Variants in GREB1 observed in about 807,000 individuals in gnomAD.
GREB1 encodes protein GREB1.
Under a neutral mutation model 200.7 loss-of-function variants are expected in GREB1, and 106 were observed. The observed-to-expected ratio is 0.53, with a 90% CI of 0.45 to 0.62. GREB1 has a LOEUF of 0.62. Ranked by LOEUF, GREB1 falls within the 20% of genes least tolerant of loss-of-function variation. GREB1 has a pLI of 0.00. For missense variants in GREB1, 2,243 were observed against 2,556.8 expected, an observed-to-expected ratio of 0.88 and a Z score of 2.65; for synonymous variants, 1,132 against 1,092.4, an observed-to-expected ratio of 1.04 and a Z score of -0.72.
intron 11 of GREB1, among the ~76,000 whole-genome samples, chr2:11,595,011 A>T (rs62118312): frequency 9.8e-5 from 14 of 142,174 alleles, no homozygotes; most frequent in Admixed American, 5.7e-4. Flanking sequence ...TTTTTTTTAA[A>T]TAAATTATTT....
rs1679106669 is a variant in GREB1 at position 11,578,403 on chromosome 2, C to T, written c.744C>T (p.Pro248=). The T allele has an allele frequency of 6.2e-6, 10 of 1,613,978 alleles. No individual in the cohort carries two copies. Among genetic ancestry groups the T allele is most frequent in the East Asian group, 2.2e-5 (1 of 44,878 alleles). ...GCGAGCCCGTTCCTGGGACGAACCC[C>T]AGCATCCTGATGGGAGCTCAGCAGG... ...FPSEPVPGTN[P]SILMGAQQAG... The change falls in exon 6 of 33, where the codon CCC becomes CCT. Residue 248 remains proline (P), a synonymous_variant. Coordinates refer to ENST00000381486, the MANE Select transcript of GREB1 (RefSeq NM_014668.4).
intron 1 of GREB1, among the ~76,000 whole-genome samples, chr2:11,535,322 C>T (rs1297939829): frequency 1.3e-5 from 2 of 152,312 alleles, no homozygotes; most frequent in South Asian, 2.1e-4. Flanking sequence ...ACCTGAACCT[C>T]TAGTTAGCTA....
chr2:11,533,604 A>G (rs1411564072), upstream of GREB1, among the ~76,000 whole-genome samples: 1 of 152,232 alleles, frequency 6.6e-6, no homozygotes, highest in Non-Finnish European at 1.5e-5. Flanking sequence ...TGATGGAGGA[A>G]AAAATGGATG....
At chr2:11,491,624 TAATGAC>T (rs1672775221) in intron 1 of GREB1, among the ~76,000 whole-genome samples, 1 of 152,240 alleles carries the variant, frequency 6.6e-6, no homozygotes, top group African/African-American at 2.4e-5. Flanking sequence ...AATCATCTGA[TAATGAC>T]AATAATAATT....
At chr2:11,483,717 TGTGTG>T (rs1558476365) in intron 1 of GREB1, among the ~76,000 whole-genome samples, 1 of 144,770 alleles carries the variant, frequency 6.9e-6, no homozygotes, top group African/African-American at 2.7e-5. Context: ...TGTGTGTGTG[TGTGTG>T]TGTGTGTGTG....
chr2:11,556,762 G>T lies in GREB1; in HGVS notation c.148G>T (p.Ala50Ser), dbSNP rs754448466. 6.8e-6 allele frequency: 11 copies of T among 1,613,534 alleles called. No homozygotes were observed. Among genetic ancestry groups the T allele is most frequent in the Non-Finnish European group, 1.7e-6 (2 of 1,179,792 alleles). Residue 50 changes from alanine (A) to serine (S), a missense_variant, in exon 2 of 33, where the codon GCT (alanine) becomes TCT (serine). Physicochemically the swap from Ala to Ser is moderately conservative, Grantham distance 99. Around this residue, in one of 3 missense-constraint regions of GREB1, gnomAD observed 1,178 missense variants for 1,387.4 expected, o/e 0.85. Transcript: ENST00000381486. Reference sequence around the variant, plus strand: ...CCTGGAAGCTGAGCAGCAGCTTGCCGCTCTAGAAGGTGGGAGACGCACGTT... The same window carrying T: ...CCTGGAAGCTGAGCAGCAGCTTGCCTCTCTAGAAGGTGGGAGACGCACGTT... ...LYLEAEQQLA[A>S]LEGGSRVDNE...
chr2:11,487,818 C>T (rs935821376), intron 1 of GREB1, among the ~76,000 whole-genome samples: 2 of 152,092 alleles, frequency 1.3e-5, no homozygotes, highest in Admixed American at 6.6e-5. Flanking sequence ...ATTTCATGCC[C>T]CTGGTGTTTT....
chr2:11,511,999 C>G (rs181260801), intron 1 of GREB1, among the ~76,000 whole-genome samples: 431 of 152,280 alleles, frequency 2.8e-3, no homozygotes, highest in African/African-American at 0.01. Context: ...GGTCCAGTCT[C>G]ATTGCTTTCT....
intron 14 of GREB1, 147 bp downstream of exon 14, chr2:11,598,125 G>A: frequency 1.4e-6 from 1 of 734,282 alleles, no homozygotes; most frequent in South Asian, 1.6e-5. Context: ...CTGATGTTCA[G>A]AGACAGTGAC....
At chr2:11,507,533 A>G (rs915789309) in intron 1 of GREB1, among the ~76,000 whole-genome samples, 1 of 152,236 alleles carries the variant, frequency 6.6e-6, no homozygotes, top group East Asian at 1.9e-4. Flanking sequence ...TTTGGTATCA[A>G]GAAACCAAGA....
chr2:11,496,521 C>A (rs189276056), intron 1 of GREB1, among the ~76,000 whole-genome samples: 2 of 150,726 alleles, frequency 1.3e-5, no homozygotes, highest in East Asian at 2.0e-4. Flanking sequence ...CCCCGCCCGC[C>A]CCCCCGTCAC....
intron 14 of GREB1, 45 bp from the exon 15 acceptor site, chr2:11,598,635 A>C: frequency 5.1e-6 from 8 of 1,568,696 alleles, no homozygotes; most frequent in Non-Finnish European, 7.0e-6. Flanking sequence ...AATGAAACCC[A>C]GTGCGCATGT....
chr2:11,589,669 A>T (rs1455383076), intron 10 of GREB1, among the ~76,000 whole-genome samples: 2 of 152,240 alleles, frequency 1.3e-5, no homozygotes, highest in African/African-American at 4.8e-5. Context: ...GATGGGGCAG[A>T]CGCAGTGGCG....
intron 1 of GREB1, among the ~76,000 whole-genome samples, chr2:11,494,055 T>G (rs1232813492): frequency 6.6e-6 from 1 of 152,096 alleles, no homozygotes; most frequent in African/African-American, 2.4e-5. Context: ...TAAGCCAGAG[T>G]GTGGTACCCA....
At chr2:11,557,865 T>C (rs1371896998) in intron 2 of GREB1, among the ~76,000 whole-genome samples, 4 of 152,190 alleles carry the variant, frequency 2.6e-5, no homozygotes, top group Non-Finnish European at 5.9e-5. Flanking sequence ...TTTTCTGGCA[T>C]GGGAGACGTC....
rs548179386 is a variant in GREB1, at chr2:11,595,409, C to A, written c.1825+30C>A. On this transcript the variant is annotated intron_variant, in intron 12 of 32. Coordinates refer to ENST00000381486, the MANE Select transcript of GREB1 (RefSeq NM_014668.4). Reference sequence around the variant, plus strand: ...GCTTGTCGTGAGACAGGTGCACATGCGTATGTTAATAGGACAGTAATCAGT... The same window carrying A: ...GCTTGTCGTGAGACAGGTGCACATGAGTATGTTAATAGGACAGTAATCAGT... The A allele has an allele frequency of 4.4e-6, 7 of 1,605,338 alleles. No individual in the cohort carries two copies. In the Admixed American group the frequency reaches 1.0e-4, roughly 23 times the overall value.
intron 20 of GREB1, among the ~76,000 whole-genome samples, chr2:11,615,660 A>C (rs1040687132): frequency 1.3e-5 from 2 of 152,214 alleles, no homozygotes; most frequent in African/African-American, 4.8e-5. Flanking sequence ...ATTCCCACCT[A>C]GTGTGATTTG....
chr2:11,571,604 G>C (rs976660804), intron 4 of GREB1, among the ~76,000 whole-genome samples: 4 of 152,158 alleles, frequency 2.6e-5, no homozygotes, highest in African/African-American at 9.7e-5. Flanking sequence ...CGTTGCTACC[G>C]GTACTTCTGC....
At chr2:11,607,910 C>T (rs576866997) in intron 17 of GREB1, among the ~76,000 whole-genome samples, 59 of 152,216 alleles carry the variant, frequency 3.9e-4, no homozygotes, top group Non-Finnish European at 7.2e-4. Context: ...ATTCAAACAC[C>T]GCCAAGACTG....
Sources: gnomAD v4.1 joint callset for allele counts (sites outside exome capture counted in the v4.1 genomes callset) on GRCh38, gnomAD v4.1.1 for gene constraint, gnomAD v4.1.1 regional missense constraint, MANE v1.5 for transcripts, NCBI Gene and HGNC (gene_info 2026-07-23, HGNC 2026-07-21) for gene names.